PLK1: variants seen among roughly 807,000 people sequenced by gnomAD.
PLK1 encodes the protein polo like kinase 1.
PLK1 carries 6 observed loss-of-function variants against 56.7 expected under a neutral mutation model. The observed-to-expected ratio is 0.11, with a 90% CI of 0.06 to 0.21. The LOEUF (loss-of-function observed/expected upper bound fraction) is 0.21, where lower values mean the gene tolerates loss of function less well. Among genes scored for constraint, PLK1 ranks in the 10% least tolerant of loss-of-function variants. PLK1 has a pLI of 1.00. For synonymous variants in PLK1, 298 were observed against 325.0 expected (o/e 0.92, Z 0.89); for missense variants, 546 against 814.4 (o/e 0.67, Z 4.01).
At position 23,690,294 on chromosome 16, in the gene PLK1, G is replaced by A. The variant is rs1567241389; in HGVS notation, c.*231G>A. ...CCCCCTCAACCCCACCATATGAATT[G>A]TACAGAATATTTCTATTGAATTCGG... On this transcript the variant is annotated 3_prime_UTR_variant, in exon 10 of 10. Transcript: ENST00000300093. The A allele has an allele frequency of 3.4e-6, 2 of 592,164 alleles. No homozygotes were observed. Among genetic ancestry groups the A allele is most frequent in the Non-Finnish European group, 3.0e-6 (1 of 330,126 alleles). The allele number at this position is 592,164 out of a possible 1,614,324, so 36.7% of individuals were successfully genotyped here.
chr16:23,686,147 T>G (rs1175614156), intron 5 of PLK1, among the ~76,000 whole-genome samples: 100 of 152,128 alleles, frequency 6.6e-4, no homozygotes, highest in Non-Finnish European at 1.2e-4. Flanking sequence ...CAAGTGATCC[T>G]CCAGCCTCAG....
At position 23,689,162 on chromosome 16, in the gene PLK1, G is replaced by C; in HGVS notation, c.1271-76G>C. The C allele has an allele frequency of 7.5e-7, 1 of 1,334,984 alleles. No individual in the cohort carries two copies. Among genetic ancestry groups the C allele is most frequent in the Non-Finnish European group, 1.1e-6 (1 of 943,450 alleles). 82.7% of individuals were successfully genotyped at this position (1,334,984 alleles called of 1,614,324 possible). ...GCCTCCCAAAGTGCTGGAATCACAG[G>C]CATGTGCCACCACGCCCGGTCCCAC... On this transcript the variant is annotated intron_variant, in intron 7 of 9. Coordinates refer to ENST00000300093, the MANE Select transcript of PLK1 (RefSeq NM_005030.6). This position sits in a 1 kb window ranked among gnomAD's most constrained non-coding sequence, Gnocchi z 4.8.
rs1959509262 is a variant in PLK1 at position 23,689,736 on chromosome 16, T to C, written c.1608+60T>C. Reference sequence around the variant, plus strand: ...GGGGTAGGCTCCGCATGCCTGGCAGTGGCCCATGTGGGTTGAATGTGGAGT... The same window carrying C: ...GGGGTAGGCTCCGCATGCCTGGCAGCGGCCCATGTGGGTTGAATGTGGAGT... On this transcript the variant is annotated intron_variant, in intron 9 of 9. Transcript: ENST00000300093. The surrounding 1 kb of genome is among the most constrained non-coding windows in gnomAD (Gnocchi z 4.8). 2 of 1,551,264 alleles carry C rather than the reference T, an allele frequency of 1.3e-6. No individual in the cohort carries two copies. Among genetic ancestry groups the C allele is most frequent in the Admixed American group, 1.7e-5 (1 of 57,480 alleles).
In PLK1 at chr16:23,689,802, A is replaced by G. The variant is rs539999083; in HGVS notation, c.1609-58A>G. 3 of 1,544,588 alleles carry G rather than the reference A, an allele frequency of 1.9e-6. No homozygotes were observed. The highest frequency in any genetic ancestry group is 1.4e-5 in the African/African-American group (1 of 73,508). On this transcript the variant is annotated intron_variant, in intron 9 of 9. Coordinates refer to ENST00000300093, the MANE Select transcript of PLK1 (RefSeq NM_005030.6). This position sits in a 1 kb window ranked among gnomAD's most constrained non-coding sequence, Gnocchi z 4.8. Reference sequence around the variant, plus strand: ...CTATAACCTGTTGTGTCTTCCCTCTACTCCCTAACATACACTGGCCTCTGG... The same window carrying G: ...CTATAACCTGTTGTGTCTTCCCTCTGCTCCCTAACATACACTGGCCTCTGG...
rs765747258 is a variant in PLK1 at position 23,683,925 on chromosome 16, C to T, written c.872C>T (p.Thr291Ile). ...CAGAAGATGCTTCAGACAGATCCCA[C>T]TGCCCGCCCAACCATTAACGAGCTG... ...LIQKMLQTDP[T>I]ARPTINELLN... The change falls in exon 5 of 10, where the codon ACT becomes ATT. Residue 291 changes from threonine to isoleucine, a missense_variant. Coordinates refer to ENST00000300093, the MANE Select transcript of PLK1 (RefSeq NM_005030.6). 4.0e-5 allele frequency: 65 copies of T among 1,614,066 alleles called. No homozygotes were observed. Among genetic ancestry groups the T allele is most frequent in the Admixed American group, 3.0e-4 (18 of 60,004 alleles).
rs1273778563 is a variant in PLK1 at position 23,687,547 on chromosome 16, G to A, written c.1115G>A (p.Cys372Tyr). ...VVRETGEVVD[C>Y]HLSDMLQQLH... ...CGAGAGACAGGTGAGGTGGTCGACT[G>A]CCACCTCAGTGACATGCTGCAGCAG... is the stretch of plus-strand genomic sequence containing the variant. The change falls in exon 6 of 10, where the codon TGC becomes TAC. Residue 372 changes from cysteine (C) to tyrosine (Y), a missense_variant. Cys to Tyr is a radical substitution (Grantham distance 194). This residue lies in a region of PLK1 where 157 missense variants were observed against 184.0 expected (regional missense o/e 0.85). Coordinates refer to ENST00000300093, the MANE Select transcript of PLK1 (RefSeq NM_005030.6). The A allele has an allele frequency of 1.5e-5, 24 of 1,603,874 alleles. No homozygotes were observed. The Admixed American group carries it at 4.1e-4, about 27-fold the overall frequency.
In PLK1 at chr16:23,687,579, A is replaced by G. The variant is rs137928994; in HGVS notation, c.1147A>G (p.Ser383Gly). The G allele has an allele frequency of 1.2e-5, 19 of 1,602,526 alleles. No homozygotes were observed. Among genetic ancestry groups the G allele is most frequent in the Non-Finnish European group, 1.6e-5 (19 of 1,173,324 alleles). ...CAGTGACATGCTGCAGCAGCTGCAC[A>G]GTGTCAATGCCTCCAAGCCCTCGGA... ...HLSDMLQQLHSVNASKPSERG... is the reference protein window; with the variant it reads ...HLSDMLQQLHGVNASKPSERG... The change falls in exon 6 of 10, where the codon AGT (serine) becomes GGT (glycine). Residue 383 changes from serine to glycine, a missense_variant. Transcript: ENST00000300093.
chr16:23,689,986 C>A lies in PLK1; in HGVS notation c.1735C>A (p.Arg579=). Residue 579 remains arginine, a synonymous_variant, in exon 10 of 10, where the codon CGG becomes AGG. Transcript: ENST00000300093. The surrounding 1 kb of genome is among the most constrained non-coding windows in gnomAD (Gnocchi z 4.8). ...EYGCCKELAS[R]LRYARTMVDK... ...CGGCTGCTGCAAGGAGCTGGCCAGC[C>A]GGCTCCGCTACGCCCGCACTATGGT... 6.2e-7 allele frequency: 1 copy of A among 1,613,840 alleles called. No homozygotes were observed. The highest frequency in any genetic ancestry group is 8.5e-7 in the Non-Finnish European group (1 of 1,180,006).
chr16:23,690,138 C>T lies in PLK1; in HGVS notation c.*75C>T, dbSNP rs541916380. 1.3e-4 allele frequency: 158 copies of T among 1,177,668 alleles called. No homozygotes were observed. The South Asian group carries it at 1.6e-3, about 12-fold the overall frequency. 73.0% of individuals were successfully genotyped at this position (1,177,668 alleles called of 1,614,324 possible). A position where few individuals can be genotyped will look rare whatever the true frequency, so the allele number is the denominator to read the frequency against. ...TGGGGCCCATACTGGTTGGCTCCCG[C>T]GGTGCCATGTCTGCAGTGTGCCCCC... On this transcript the variant is annotated 3_prime_UTR_variant, in exon 10 of 10. Coordinates refer to ENST00000300093, the MANE Select transcript of PLK1 (RefSeq NM_005030.6).
chr16:23,683,975 G>A lies in PLK1; in HGVS notation c.922G>A (p.Gly308Ser). Residue 308 changes from glycine (G) to serine (S), a missense_variant, in exon 5 of 10, where the codon GGC (glycine) becomes AGC (serine). By Grantham distance (56) the Gly-to-Ser change is moderately conservative (BLOSUM62 0). Transcript: ENST00000300093. ...GCTTAATGACGAGTTCTTTACTTCTGGCTATATCCCTGCCCGTCTCCCCAT... is the reference window on the plus strand; with the variant it reads ...GCTTAATGACGAGTTCTTTACTTCTAGCTATATCCCTGCCCGTCTCCCCAT... The part of the protein sequence containing the change: ...ELLNDEFFTS[G>S]YIPARLPITC... The A allele has an allele frequency of 6.2e-7, 1 of 1,614,058 alleles. No individual in the cohort carries two copies. The highest frequency in any genetic ancestry group is 8.5e-7 in the Non-Finnish European group (1 of 1,179,978).
chr16:23,689,414 G>A lies in PLK1; in HGVS notation c.1425+22G>A, dbSNP rs763446125. On this transcript the variant is annotated intron_variant, in intron 8 of 9. Coordinates refer to ENST00000300093, the MANE Select transcript of PLK1 (RefSeq NM_005030.6). The surrounding 1 kb of genome is among the most constrained non-coding windows in gnomAD (Gnocchi z 4.8). ...GAAGGTGAGTGCCGTCCGGCCCATGGGGGGTGGTGTTGCAGAAGTGGGACC... is the reference window on the plus strand; with the variant it reads ...GAAGGTGAGTGCCGTCCGGCCCATGAGGGGTGGTGTTGCAGAAGTGGGACC... 1.2e-6 allele frequency: 2 copies of A among 1,602,828 alleles called. No homozygotes were observed. Among genetic ancestry groups the A allele is most frequent in the Non-Finnish European group, 1.7e-6 (2 of 1,170,384 alleles).
At position 23,689,208 on chromosome 16, in the gene PLK1, T is replaced by G. The variant is rs779732513; in HGVS notation, c.1271-30T>G. 4 of 1,589,362 alleles carry G rather than the reference T, an allele frequency of 2.5e-6. No individual in the cohort carries two copies. On this transcript the variant is annotated intron_variant, in intron 7 of 9. Transcript: ENST00000300093. The surrounding 1 kb of genome is among the most constrained non-coding windows in gnomAD (Gnocchi z 4.8). The stretch of plus-strand genomic sequence containing the variant: ...CCCACTCCCCACTTTCTATTCCCCC[T>G]TTCTGAGACCTCTCTCCACCGATCC...
intron 4 of PLK1, 79 bp downstream of exon 4, chr16:23,682,236 C>A: frequency 1.3e-6 from 1 of 798,356 alleles, no homozygotes; most frequent in Non-Finnish European, 2.2e-6. Flanking sequence ...TATCCTAGGA[C>A]CAGAAATAGG....
intron 3 of PLK1, among the ~76,000 whole-genome samples, chr16:23,681,722 T>C (rs1483404508): frequency 6.6e-6 from 1 of 152,136 alleles, no homozygotes; most frequent in Non-Finnish European, 1.5e-5. Flanking sequence ...CTGCTAAAGG[T>C]GGAGCTGCTT....
intron 5 of PLK1, among the ~76,000 whole-genome samples, chr16:23,684,957 CTTTTTTTTTTTTTTTTTTTTTTTTTTTT>C (rs71154221): frequency 7.0e-5 from 4 of 56,890 alleles, no homozygotes; most frequent in African/African-American, 6.8e-5. Flanking sequence ...CAGGCCCGGC[CTTTTTTTTTTTTTTTTTTTTTTTTTTTT>C]TTTTTTTTTT....
rs762307028 is a variant in PLK1 at position 23,687,434 on chromosome 16, C to A, written c.1037-35C>A. 4.0e-6 allele frequency: 6 copies of A among 1,509,506 alleles called. 1 individual carries two copies. The South Asian group carries it at 7.6e-5, about 19-fold the overall frequency. 93.5% of individuals were successfully genotyped at this position (1,509,506 alleles called of 1,614,324 possible). ...CAGCTGTGGCAGGGGAGTCCCGTGC[C>A]CTTCCCAACGCCCCTGTTTTTGTCA... On this transcript the variant is annotated intron_variant, in intron 5 of 9. Transcript: ENST00000300093.
intron 5 of PLK1, chr16:23,687,079 T>G (rs1597136349): frequency 6.4e-6 from 1 of 156,346 alleles, no homozygotes. Context: ...TCTTGTGTTT[T>G]TATTTAAATG....
Position 23,689,703 on chromosome 16 carries a change from A to G in PLK1, c.1608+27A>G, listed in dbSNP as rs1357265924. ...TGAGCTGGAGGTCACCAGGCGCAGG[A>G]GAGAGCTGGGGTAGGCTCCGCATGC... On this transcript the variant is annotated intron_variant, in intron 9 of 9. Coordinates refer to ENST00000300093, the MANE Select transcript of PLK1 (RefSeq NM_005030.6). The surrounding 1 kb of genome is among the most constrained non-coding windows in gnomAD (Gnocchi z 4.8). 17 of 1,586,048 alleles carry G rather than the reference A, an allele frequency of 1.1e-5. No individual in the cohort carries two copies. Among genetic ancestry groups the G allele is most frequent in the Non-Finnish European group, 1.5e-5 (17 of 1,165,396 alleles).
rs1040949508 is a variant in PLK1 at position 23,690,309 on chromosome 16, A to G, written c.*246A>G. Reference sequence around the variant, plus strand: ...CATATGAATTGTACAGAATATTTCTATTGAATTCGGAACTGTCCTTTCCTT... The same window carrying G: ...CATATGAATTGTACAGAATATTTCTGTTGAATTCGGAACTGTCCTTTCCTT... On this transcript the variant is annotated 3_prime_UTR_variant, in exon 10 of 10. Coordinates refer to ENST00000300093, the MANE Select transcript of PLK1 (RefSeq NM_005030.6). 6.9e-5 allele frequency: 40 copies of G among 580,130 alleles called. No homozygotes were observed. Among genetic ancestry groups the G allele is most frequent in the Admixed American group, 3.3e-4 (11 of 33,380 alleles). The allele number at this position is 580,130 out of a possible 1,614,324, so 35.9% of individuals were successfully genotyped here.
Sources: allele counts gnomAD v4.1 joint callset (sites outside exome capture counted in the v4.1 genomes callset), GRCh38; gene constraint gnomAD v4.1.1; regional missense constraint gnomAD v4.1.1; non-coding constraint Gnocchi (gnomAD v3.1); transcripts MANE v1.5; gene names NCBI Gene and HGNC (gene_info 2026-07-23, HGNC 2026-07-21).